The following MYOCD variants were observed in gnomAD, a reference collection of about 807,000 sequenced individuals.
MYOCD encodes myocardin.
Under a neutral mutation model 96.1 loss-of-function variants are expected in MYOCD, and 32 were observed. The ratio of observed to expected loss-of-function variants is 0.33; its 90% CI spans 0.25 to 0.45. The LOEUF (loss-of-function observed/expected upper bound fraction) is 0.45, where lower values mean the gene tolerates loss of function less well. Among genes scored for constraint, MYOCD ranks in the 20% least tolerant of loss-of-function variants. The pLI is 1.00. For synonymous variants in MYOCD, 469 were observed against 469.0 expected, an observed-to-expected ratio of 1.00 and a Z score of 0.00; for missense variants, 1,133 against 1,200.6, an observed-to-expected ratio of 0.94 and a Z score of 0.83.
intron 9 of MYOCD, among the ~76,000 whole-genome samples, chr17:12,748,496 A>G (rs570793710): frequency 6.6e-6 from 1 of 152,294 alleles, no homozygotes; most frequent in Admixed American, 6.5e-5. Flanking sequence ...TAGACTTTCT[A>G]TCTACTTTTG....
chr17:12,687,237 G>A (rs1055086096), intron 1 of MYOCD, among the ~76,000 whole-genome samples: 1 of 151,758 alleles, frequency 6.6e-6, no homozygotes, highest in Non-Finnish European at 1.5e-5. Context: ...AAAAAAATTT[G>A]AAACCACCTA....
At chr17:12,730,991 TCCGAGTCA>T (rs1663478300) in intron 5 of MYOCD, among the ~76,000 whole-genome samples, 1 of 152,168 alleles carries the variant, frequency 6.6e-6, no homozygotes, top group South Asian at 2.1e-4. Context: ...GAGGAGAGGC[TCCGAGTCA>T]CCAGCCCAAG....
chr17:12,730,337 A>G (rs1018380805), intron 5 of MYOCD, among the ~76,000 whole-genome samples: 1 of 151,856 alleles, frequency 6.6e-6, no homozygotes, highest in East Asian at 1.9e-4. Context: ...AATCCCAGCT[A>G]CTTGGGAGGC....
intron 1 of MYOCD, among the ~76,000 whole-genome samples, chr17:12,692,854 A>G (rs1399918170): frequency 6.6e-6 from 1 of 152,136 alleles, no homozygotes. Context: ...CTATCTGTAC[A>G]TAGCAATAAC....
chr17:12,709,947 C>T (rs896484705), intron 2 of MYOCD, among the ~76,000 whole-genome samples: 1 of 152,092 alleles, frequency 6.6e-6, no homozygotes, highest in African/African-American at 2.4e-5. Context: ...GAAAGATGAC[C>T]AGCCATGTAA....
At chr17:12,735,909 A>G (rs890995151) in intron 5 of MYOCD, among the ~76,000 whole-genome samples, 4 of 152,230 alleles carry the variant, frequency 2.6e-5, no homozygotes, top group Non-Finnish European at 5.9e-5. Context: ...AACAGGAAGA[A>G]ATGCAGAAAC....
At chr17:12,758,520 G>A (rs766611402) in intron 12 of MYOCD, among the ~76,000 whole-genome samples, 12 of 152,166 alleles carry the variant, frequency 7.9e-5, no homozygotes, top group Non-Finnish European at 1.6e-4. Context: ...TATTTACTTG[G>A]TAAGGATTCT....
intron 1 of MYOCD, among the ~76,000 whole-genome samples, chr17:12,690,023 T>G (rs941861694): frequency 3.3e-5 from 5 of 152,102 alleles, no homozygotes; most frequent in African/African-American, 1.2e-4. Flanking sequence ...TAAAAGAATA[T>G]TCTAAGGGAT....
chr17:12,754,383 T>C (rs2032955048), intron 10 of MYOCD, among the ~76,000 whole-genome samples: 1 of 152,202 alleles, frequency 6.6e-6, no homozygotes, highest in Admixed American at 6.5e-5. Flanking sequence ...ATTACAGGCG[T>C]GAGCCACCAT....
Position 12,753,175 on chromosome 17 carries a change from C to T in MYOCD, c.1887C>T (p.Leu629=), listed in dbSNP as rs755248029. 6.2e-7 allele frequency: 1 copy of T among 1,614,192 alleles called. No homozygotes were observed. Among genetic ancestry groups the T allele is most frequent in the Admixed American group, 1.7e-5 (1 of 60,020 alleles). ...DQTNVLSSTF[L]SPQCSPQHSP... is the part of the protein sequence containing the mutation. ...CCAATGTACTTTCTTCCACATTTCT[C>T]AGCCCCCAGTGTTCCCCTCAGCATT... Residue 629 remains leucine, a synonymous_variant, in exon 10 of 14, where the codon CTC becomes CTT. Transcript: ENST00000425538.
intron 2 of MYOCD, 122 bp downstream of exon 2, chr17:12,705,315 T>C: frequency 1.6e-6 from 1 of 644,550 alleles, no homozygotes; most frequent in Non-Finnish European, 2.7e-6. Context: ...CTTCAAAGCA[T>C]TGGTATCAGC....
At chr17:12,675,140 T>C (rs774468793) in intron 1 of MYOCD, among the ~76,000 whole-genome samples, 1 of 152,222 alleles carries the variant, frequency 6.6e-6, no homozygotes, top group Non-Finnish European at 1.5e-5. Flanking sequence ...ATATGAAATA[T>C]ACTCAACTCA....
intron 9 of MYOCD, among the ~76,000 whole-genome samples, chr17:12,746,947 C>T (rs192975335): frequency 9.5e-4 from 145 of 151,928 alleles, no homozygotes; most frequent in African/African-American, 2.0e-3. Context: ...AGGCTGGTCT[C>T]GAACTCCTGA....
chr17:12,667,413 G>A (rs2150622737), intron 1 of MYOCD, among the ~76,000 whole-genome samples: 1 of 152,274 alleles, frequency 6.6e-6, no homozygotes, highest in Admixed American at 6.5e-5. Flanking sequence ...GCTCTGGGAT[G>A]AGTCCGCCAG....
At chr17:12,757,670 T>C (rs1226799075) in intron 11 of MYOCD, among the ~76,000 whole-genome samples, 1 of 152,102 alleles carries the variant, frequency 6.6e-6, no homozygotes, top group African/African-American at 2.4e-5. Flanking sequence ...AATTTTTTTA[T>C]TTTTAGTGAG....
At chr17:12,736,853 C>T (rs764060289) in intron 6 of MYOCD, among the ~76,000 whole-genome samples, 5 of 152,222 alleles carry the variant, frequency 3.3e-5, no homozygotes, top group Non-Finnish European at 7.3e-5. Flanking sequence ...CAGCAAAATT[C>T]AGCCCCAACC....
chr17:12,739,697 G>C (rs187043753), intron 7 of MYOCD, among the ~76,000 whole-genome samples: 24 of 152,280 alleles, frequency 1.6e-4, no homozygotes, highest in Middle Eastern at 3.4e-3. Context: ...TTTTATGCAA[G>C]GGAAGTAGCC....
chr17:12,700,258 C>T (rs2031001312), intron 1 of MYOCD, among the ~76,000 whole-genome samples: 1 of 151,982 alleles, frequency 6.6e-6, no homozygotes, highest in Non-Finnish European at 1.5e-5. Flanking sequence ...TCTTCTAATT[C>T]TTTTTGTTCA....
intron 1 of MYOCD, among the ~76,000 whole-genome samples, chr17:12,688,354 C>G (rs1449463920): frequency 6.6e-6 from 1 of 152,240 alleles, no homozygotes; most frequent in Non-Finnish European, 1.5e-5. Flanking sequence ...ATTATCTAAA[C>G]AGTTGAGCAG....
Sources: gnomAD v4.1 joint callset for allele counts (sites outside exome capture counted in the v4.1 genomes callset) on GRCh38, gnomAD v4.1.1 for gene constraint, MANE v1.5 for transcripts, NCBI Gene and HGNC (gene_info 2026-07-23, HGNC 2026-07-21) for gene names.